Variants in RGS12 observed in about 807,000 individuals in gnomAD.
The protein encoded by RGS12 is regulator of G-protein signaling 12.
A neutral mutation model predicts 120.1 loss-of-function variants in RGS12; 66 were observed. The observed-to-expected ratio is 0.55, with a 90% CI of 0.45 to 0.67. The LOEUF (loss-of-function observed/expected upper bound fraction) is 0.67. Ranked by LOEUF, RGS12 falls within the 30% of genes least tolerant of loss-of-function variation. The pLI, the probability that RGS12 is intolerant of heterozygous loss-of-function variation, is 0.00. For missense variants in RGS12, 1,859 were observed against 1,957.7 expected, an observed-to-expected ratio of 0.95 and a Z score of 0.95; for synonymous variants, 827 against 804.7, an observed-to-expected ratio of 1.03 and a Z score of -0.47.
Position 3,342,960 on chromosome 4 carries a change from T to G in RGS12, c.1905T>G (p.Thr635=). 1 of 1,613,838 alleles carries G rather than the reference T, an allele frequency of 6.2e-7. No homozygotes were observed. The highest frequency in any genetic ancestry group is 8.5e-7 in the Non-Finnish European group (1 of 1,179,896). ...DKKGSKFGRG[T]GLTQPSQRTS... is the part of the protein sequence containing the mutation. Reference sequence around the variant, plus strand: ...AGGGCTCAAAATTTGGGCGGGGAACTGGACTCACTCAGCCTTCTCAACGCA... The same window carrying G: ...AGGGCTCAAAATTTGGGCGGGGAACGGGACTCACTCAGCCTTCTCAACGCA... Residue 635 remains threonine, a synonymous_variant, in exon 3 of 18, where the codon ACT becomes ACG. Transcript: ENST00000336727.
chr4:3,367,326 C>T (rs1243823455), intron 3 of RGS12, among the ~76,000 whole-genome samples: 1 of 152,262 alleles, frequency 6.6e-6, no homozygotes, highest in Non-Finnish European at 1.5e-5. Context: ...AGCACTCTGC[C>T]CACTTTCTCT....
chr4:3,293,098 C>G lies in RGS12; in HGVS notation c.-103C>G, dbSNP rs1723134437. On this transcript the variant is annotated splice_region_variant and 5_prime_UTR_variant, in exon 1 of 18. Transcript: ENST00000336727. ...CGGAGCGGGAGCGAGCGGCGCGGCC[C>G]GGTAGGTGTGCGGGGCCGGGGCCGG... The G allele has an allele frequency of 1.4e-5, 2 of 146,594 alleles. No individual in the cohort carries two copies. Among genetic ancestry groups the G allele is most frequent in the Non-Finnish European group, 3.0e-5 (2 of 65,934 alleles). The allele number at this position is 146,594 out of a possible 1,614,324, so 9.1% of individuals were successfully genotyped here.
chr4:3,368,097 C>A (rs914478396), intron 3 of RGS12, among the ~76,000 whole-genome samples: 1 of 152,158 alleles, frequency 6.6e-6, no homozygotes, highest in Non-Finnish European at 1.5e-5. Flanking sequence ...GGTTCTCAGG[C>A]GCTGGTGGCT....
chr4:3,320,563 C>T (rs751764397), intron 2 of RGS12, among the ~76,000 whole-genome samples: 32 of 152,210 alleles, frequency 2.1e-4, no homozygotes, highest in Non-Finnish European at 7.3e-5. Context: ...CCTGGCGCTC[C>T]GTGTGGGATT....
At position 3,316,231 on chromosome 4, in the gene RGS12, C is replaced by G. The variant is rs771698458; in HGVS notation, c.61C>G (p.Arg21Gly). The G allele has an allele frequency of 1.9e-6, 3 of 1,611,100 alleles. No individual in the cohort carries two copies. The highest frequency in any genetic ancestry group is 2.5e-6 in the Non-Finnish European group (3 of 1,178,400). Residue 21 changes from arginine (R) to glycine (G), a missense_variant, in exon 2 of 18, where the codon CGG becomes GGG. Arg to Gly is a moderately radical substitution (Grantham distance 125). Transcript: ENST00000336727. ...GCCTGGGCCGTCGCCCCCAAGGGTG[C>G]GGAGTGTGGAGGTTGCCCGGGGGAG... ...PLPGPSPPRVRSVEVARGRAG... is the reference protein window; with the variant it reads ...PLPGPSPPRVGSVEVARGRAG...
chr4:3,406,001 G>A (rs750546123), intron 4 of RGS12, among the ~76,000 whole-genome samples: 1 of 152,154 alleles, frequency 6.6e-6, no homozygotes, highest in African/African-American at 2.4e-5. Flanking sequence ...CTCGGTGCTC[G>A]TATGTCCCGG....
chr4:3,291,888 CTTAA>C (rs1225835943), upstream of RGS12, among the ~76,000 whole-genome samples: 2 of 152,214 alleles, frequency 1.3e-5, no homozygotes, highest in Non-Finnish European at 2.9e-5. Context: ...CTGCTGGACT[CTTAA>C]TTAATTGTCC....
At chr4:3,321,515 G>A (rs1016792203) in intron 2 of RGS12, among the ~76,000 whole-genome samples, 7 of 152,296 alleles carry the variant, frequency 4.6e-5, no homozygotes, top group African/African-American at 1.4e-4. Flanking sequence ...TGGGTTTGGC[G>A]CTGAGAAGAA....
At chr4:3,428,045 A>T in intron 14 of RGS12, 45 bp from the exon 15 acceptor site, 1 of 1,558,632 alleles carries the variant, frequency 6.4e-7, no homozygotes, top group South Asian at 1.1e-5. Flanking sequence ...AAACATTCAG[A>T]TGGATTTGCG....
At chr4:3,411,751 C>T (rs896550196) in intron 4 of RGS12, among the ~76,000 whole-genome samples, 1 of 152,262 alleles carries the variant, frequency 6.6e-6, no homozygotes, top group Non-Finnish European at 1.5e-5. Context: ...ACATGCAGAA[C>T]GGGGCACTTG....
chr4:3,434,797 G>A (rs1275966650), intron 17 of RGS12, among the ~76,000 whole-genome samples: 6 of 152,162 alleles, frequency 3.9e-5, no homozygotes, highest in Admixed American at 1.3e-4. Context: ...GATCTGCTTC[G>A]TTTCCAACAA....
intron 1 of RGS12, among the ~76,000 whole-genome samples, chr4:3,300,261 G>A (rs538280732): frequency 1.3e-5 from 2 of 152,300 alleles, no homozygotes; most frequent in East Asian, 1.9e-4. Flanking sequence ...GCAGTGCCGC[G>A]GGCTCTGCTG....
chr4:3,335,765 A>AG (rs1263050027), intron 2 of RGS12, among the ~76,000 whole-genome samples: 1 of 151,668 alleles, frequency 6.6e-6, no homozygotes, highest in Non-Finnish European at 1.5e-5. Flanking sequence ...CCAGCCTGGG[A>AG]GATAGAATGA....
Position 3,423,572 on chromosome 4 carries a change from C to G in RGS12, c.3165C>G (p.Pro1055=). The change falls in exon 13 of 18, where the codon CCC becomes CCG. Residue 1055 remains proline (P), a synonymous_variant. Coordinates refer to ENST00000336727, the MANE Select transcript of RGS12 (RefSeq NM_001394154.1). ...GACTCAAGGCCAAGCCCACCAAGCC[C>G]GTCACGGAGGTGCTGCGGCCCGTGG... ...SVGLKAKPTK[P]VTEVLRPVVA... 6.2e-7 allele frequency: 1 copy of G among 1,612,898 alleles called. No homozygotes were observed. Among genetic ancestry groups the G allele is most frequent in the African/African-American group, 1.3e-5 (1 of 75,076 alleles).
intron 6 of RGS12, among the ~76,000 whole-genome samples, chr4:3,415,524 G>C (rs977009448): frequency 6.6e-6 from 1 of 152,194 alleles, no homozygotes; most frequent in Non-Finnish European, 1.5e-5. Context: ...CTCCTCCTGC[G>C]CCTCGTGGGA....
At chr4:3,394,779 A>T (rs1719877652) in intron 4 of RGS12, among the ~76,000 whole-genome samples, 1 of 152,184 alleles carries the variant, frequency 6.6e-6, no homozygotes, top group Non-Finnish European at 1.5e-5. Flanking sequence ...GAGACAGAAC[A>T]TTACCAGCAG....
chr4:3,432,565 TCTC>T (rs1229145337), intron 17 of RGS12, among the ~76,000 whole-genome samples: 1 of 152,198 alleles, frequency 6.6e-6, no homozygotes, highest in Non-Finnish European at 1.5e-5. Context: ...GGGGGTCAGT[TCTC>T]CTGCCTGCCA....
At chr4:3,423,475 C>A in intron 12 of RGS12, 40 bp from the exon 13 acceptor site, 1 of 1,610,300 alleles carries the variant, frequency 6.2e-7, no homozygotes, top group Non-Finnish European at 8.5e-7. Flanking sequence ...CTAATGAGGG[C>A]TGACATGAGT....
chr4:3,321,145 A>G (rs1007746527), intron 2 of RGS12, among the ~76,000 whole-genome samples: 1 of 152,178 alleles, frequency 6.6e-6, no homozygotes, highest in Non-Finnish European at 1.5e-5. Flanking sequence ...AGTATACAGA[A>G]TCGTTAACAA....
Sources: allele counts gnomAD v4.1 joint callset (sites outside exome capture counted in the v4.1 genomes callset), GRCh38; gene constraint gnomAD v4.1.1; transcripts MANE v1.5; gene names NCBI Gene and HGNC (gene_info 2026-07-23, HGNC 2026-07-21).